The following MEIS2 variants were observed in gnomAD, a reference collection of about 807,000 sequenced individuals.
MEIS2 encodes the protein homeobox protein Meis2.
A neutral mutation model predicts 58.6 loss-of-function variants in MEIS2; 9 were observed. That is an observed-to-expected ratio of 0.15 (90% CI 0.09 to 0.27). MEIS2 has a LOEUF of 0.27. Ranked by LOEUF, MEIS2 falls within the 10% of genes least tolerant of loss-of-function variation. The pLI, the probability that MEIS2 is intolerant of heterozygous loss-of-function variation, is 1.00. For synonymous variants in MEIS2, 221 were observed against 228.4 expected (o/e 0.97, Z 0.29); for missense variants, 427 against 635.0 (o/e 0.67, Z 3.52).
chr15:36,916,057 G>T (rs1183172567), intron 9 of MEIS2, among the ~76,000 whole-genome samples: 2 of 152,086 alleles, frequency 1.3e-5, no homozygotes, highest in East Asian at 3.9e-4. Flanking sequence ...AAAATTTCAG[G>T]TGTCAGTTAA....
chr15:36,993,113 G>A (rs1355618582), intron 8 of MEIS2, among the ~76,000 whole-genome samples: 1 of 152,092 alleles, frequency 6.6e-6, no homozygotes, highest in Admixed American at 6.6e-5. Flanking sequence ...ATAGGTAGTA[G>A]GAGGAGTTCT....
At chr15:36,940,841 G>C (rs181083340) in intron 9 of MEIS2, among the ~76,000 whole-genome samples, 1 of 152,082 alleles carries the variant, frequency 6.6e-6, no homozygotes, top group African/African-American at 2.4e-5. Context: ...GGACTTGATG[G>C]GGTCATAGAA....
chr15:37,039,529 TGA>T (rs2062323962), intron 7 of MEIS2, among the ~76,000 whole-genome samples: 1 of 152,306 alleles, frequency 6.6e-6, no homozygotes, highest in African/African-American at 2.4e-5. Flanking sequence ...ACCTTAAAAA[TGA>T]GAGACAGCAT....
chr15:36,910,786 C>T (rs1402467972), intron 9 of MEIS2, among the ~76,000 whole-genome samples: 1 of 152,154 alleles, frequency 6.6e-6, no homozygotes, highest in Non-Finnish European at 1.5e-5. Flanking sequence ...GTGGCTCACG[C>T]CTGTAATCCC....
intron 6 of MEIS2, among the ~76,000 whole-genome samples, chr15:37,091,328 T>C (rs995619770): frequency 1.3e-5 from 2 of 152,168 alleles, no homozygotes; most frequent in African/African-American, 4.8e-5. Flanking sequence ...TACAAGTCTG[T>C]GGCAAATCTC....
chr15:36,922,407 T>A (rs1479296476), intron 9 of MEIS2, among the ~76,000 whole-genome samples: 1 of 66,820 alleles, frequency 1.5e-5, no homozygotes, highest in African/African-American at 3.5e-5. Flanking sequence ...AATCAAAAGG[T>A]TTTTTTGTGT....
intron 9 of MEIS2, among the ~76,000 whole-genome samples, chr15:36,948,798 A>G (rs932889106): frequency 6.6e-6 from 1 of 151,974 alleles, no homozygotes; most frequent in Non-Finnish European, 1.5e-5. Context: ...TACACTATGA[A>G]GCGCCTATCA....
At chr15:36,913,514 G>T (rs1665480370) in intron 9 of MEIS2, among the ~76,000 whole-genome samples, 2 of 152,008 alleles carry the variant, frequency 1.3e-5, no homozygotes, top group African/African-American at 4.8e-5. Context: ...TCACCTACTG[G>T]CCGTTTCCAA....
intron 7 of MEIS2, among the ~76,000 whole-genome samples, chr15:37,061,340 C>T (rs910299615): frequency 6.6e-6 from 1 of 152,110 alleles, no homozygotes; most frequent in East Asian, 1.9e-4. Flanking sequence ...AGAAGGTCAT[C>T]GAGGCCGGCA....
intron 7 of MEIS2, among the ~76,000 whole-genome samples, chr15:37,061,242 A>G (rs1003046057): frequency 6.6e-6 from 1 of 152,174 alleles, no homozygotes; most frequent in Non-Finnish European, 1.5e-5. Context: ...GAAGGGGTCA[A>G]ACAGACGGAA....
intron 8 of MEIS2, among the ~76,000 whole-genome samples, chr15:37,020,722 T>C: frequency 6.6e-6 from 1 of 151,882 alleles, no homozygotes; most frequent in Non-Finnish European, 1.5e-5. Flanking sequence ...ACTTGCCTCG[T>C]TGCCCTCATC....
intron 8 of MEIS2, among the ~76,000 whole-genome samples, chr15:36,999,594 A>G (rs992637191): frequency 1.3e-5 from 2 of 152,200 alleles, no homozygotes; most frequent in African/African-American, 4.8e-5. Context: ...TTAAGAACAC[A>G]GGGCCAAGTT....
chr15:36,992,228 G>C (rs539151153), intron 8 of MEIS2, among the ~76,000 whole-genome samples: 49 of 152,052 alleles, frequency 3.2e-4, no homozygotes, highest in Admixed American at 5.9e-4. Flanking sequence ...TAATCAACTA[G>C]ATTAATTAGT....
chr15:36,952,427 T>C (rs1396228402), intron 8 of MEIS2, among the ~76,000 whole-genome samples: 1 of 152,164 alleles, frequency 6.6e-6, no homozygotes, highest in Non-Finnish European at 1.5e-5. Context: ...AAAATAAGGA[T>C]GCATCACAAG....
intron 7 of MEIS2, among the ~76,000 whole-genome samples, chr15:37,059,426 C>G (rs2141835230): frequency 6.6e-6 from 1 of 152,246 alleles, no homozygotes; most frequent in Middle Eastern, 3.4e-3. Flanking sequence ...ATTACAGGCT[C>G]TTTCAAATTA....
intron 7 of MEIS2, among the ~76,000 whole-genome samples, 178 bp downstream of exon 7, chr15:37,083,593 C>CT (rs1347134949): frequency 6.6e-6 from 1 of 152,024 alleles, no homozygotes; most frequent in Non-Finnish European, 1.5e-5. Context: ...ACTTTGATTT[C>CT]TTTTTTTAAG....
In MEIS2 at chr15:37,096,234, AAG is replaced by A. The variant is rs1293269963; in HGVS notation, c.387+53_387+54del. ...CTCCTTTCAAGTAAAGCTCCGAGGA[AAG>A]GGGAGGGGTAGTGAGGGACTGCCCG... On this transcript the variant is annotated intron_variant, in intron 3 of 11. Coordinates refer to ENST00000561208, the MANE Select transcript of MEIS2 (RefSeq NM_170675.5). 4 of 1,502,728 alleles carry A rather than the reference AAG, an allele frequency of 2.7e-6. No individual in the cohort carries two copies. In the African/African-American group the frequency reaches 5.6e-5, roughly 21 times the overall value. The allele number at this position is 1,502,728 out of a possible 1,614,324, so 93.1% of individuals were successfully genotyped here. A position where few individuals can be genotyped will look rare whatever the true frequency, so the allele number is the denominator to read the frequency against.
chr15:36,962,923 A>C (rs1198214391), intron 8 of MEIS2, among the ~76,000 whole-genome samples: 1 of 152,256 alleles, frequency 6.6e-6, no homozygotes, highest in African/African-American at 2.4e-5. Flanking sequence ...CCATGAAAAT[A>C]TTGATTATGC....
rs1309218440 is a variant in MEIS2, at chr15:36,892,021, ATTGGTCCTCT to A, written c.*142_*151del. On this transcript the variant is annotated 3_prime_UTR_variant, in exon 12 of 12. Coordinates refer to ENST00000561208, the MANE Select transcript of MEIS2 (RefSeq NM_170675.5). Reference sequence around the variant, plus strand: ...GATTTCACATTTGTGTTCTTGTTGCATTGGTCCTCTGTTGCTTGATGAAAAATGACAAAAG... The same window carrying A: ...GATTTCACATTTGTGTTCTTGTTGCAGTTGCTTGATGAAAAATGACAAAAG... 2.5e-6 allele frequency: 2 copies of A among 786,200 alleles called. No homozygotes were observed. The highest frequency in any genetic ancestry group is 3.4e-5 in the African/African-American group (2 of 57,986). 48.7% of individuals were successfully genotyped at this position (786,200 alleles called of 1,614,324 possible). A position where few individuals can be genotyped will look rare whatever the true frequency, so the allele number is the denominator to read the frequency against.
Sources: gnomAD v4.1 joint callset for allele counts (sites outside exome capture counted in the v4.1 genomes callset) on GRCh38, gnomAD v4.1.1 for gene constraint, MANE v1.5 for transcripts, NCBI Gene and HGNC (gene_info 2026-07-23, HGNC 2026-07-21) for gene names.